The following OXR1 variants were observed in gnomAD, a reference collection of about 807,000 sequenced individuals.
The protein encoded by OXR1 is oxidation resistance 1.
Under a neutral mutation model 104.6 loss-of-function variants are expected in OXR1, and 41 were observed. The observed-to-expected ratio is 0.39, with a 90% CI of 0.31 to 0.51. OXR1 has a LOEUF of 0.51. Ranked by LOEUF, OXR1 falls within the 20% of genes least tolerant of loss-of-function variation. The pLI is 0.77. For synonymous variants in OXR1, 348 were observed against 348.4 expected (o/e 1.00, Z 0.01); for missense variants, 955 against 1,031.9 (o/e 0.93, Z 1.02).
intron 1 of OXR1, among the ~76,000 whole-genome samples, chr8:106,307,529 C>T (rs1420641495): frequency 1.3e-5 from 2 of 152,022 alleles, no homozygotes; most frequent in East Asian, 1.9e-4. Flanking sequence ...CTCTTCGGTT[C>T]CCATACTCAC....
In OXR1 at chr8:106,530,240, T is replaced by G. The variant is rs74464288; in HGVS notation, c.220+11101T>G. Among the ~76,000 whole-genome samples, 1,282 of 152,314 alleles carry G rather than the reference T, an allele frequency of 8.4e-3. 20 individuals carry two copies. Among genetic ancestry groups the G allele is most frequent in the African/African-American group, 0.029 (1,212 of 41,566 alleles). ...CAGAAATGAAACTATTGGTATCTCC[T>G]GATTTTTTTTAATTTGCTTTTCTTC... On this transcript the variant is annotated intron_variant, in intron 3 of 16. Transcript: ENST00000517566.
At chr8:106,336,258 G>T (rs1033457814) in intron 1 of OXR1, among the ~76,000 whole-genome samples, 1 of 152,172 alleles carries the variant, frequency 6.6e-6, no homozygotes, top group Admixed American at 6.5e-5. Flanking sequence ...TGCAGAACAG[G>T]AGTAGCCATT....
intron 3 of OXR1, among the ~76,000 whole-genome samples, chr8:106,552,906 G>A (rs1815960104): frequency 1.3e-5 from 2 of 152,144 alleles, no homozygotes; most frequent in Non-Finnish European, 2.9e-5. Context: ...CATAGTGGTC[G>A]ATGATTTCAA....
chr8:106,310,993 T>C (rs1813676793), intron 1 of OXR1, among the ~76,000 whole-genome samples: 3 of 152,298 alleles, frequency 2.0e-5, no homozygotes, highest in Admixed American at 6.5e-5. Flanking sequence ...TTCTGGAATA[T>C]TGTCTGATGA....
chr8:106,618,699 A>C (rs1025491371), intron 3 of OXR1, among the ~76,000 whole-genome samples: 1 of 152,148 alleles, frequency 6.6e-6, no homozygotes, highest in Non-Finnish European at 1.5e-5. Context: ...ACATGCTCTC[A>C]CTTTTGTCAC....
At chr8:106,658,846 C>T (rs527954109) in intron 3 of OXR1, among the ~76,000 whole-genome samples, 1 of 152,214 alleles carries the variant, frequency 6.6e-6, no homozygotes, top group South Asian at 2.1e-4. Flanking sequence ...TTAAAACAGT[C>T]ATTTGTAGCG....
intron 1 of OXR1, among the ~76,000 whole-genome samples, chr8:106,321,387 G>A (rs1463995797): frequency 5.3e-5 from 8 of 152,144 alleles, no homozygotes. Flanking sequence ...TTGGACAGTG[G>A]ACGTGTGACT....
intron 2 of OXR1, among the ~76,000 whole-genome samples, chr8:106,433,841 C>T (rs1042917262): frequency 2.0e-5 from 3 of 152,170 alleles, no homozygotes; most frequent in Non-Finnish European, 2.9e-5. Context: ...CTAAGCAATG[C>T]TGAAAGGAAC....
intron 3 of OXR1, among the ~76,000 whole-genome samples, chr8:106,652,857 A>G (rs1824715984): frequency 6.6e-6 from 1 of 151,822 alleles, no homozygotes; most frequent in Non-Finnish European, 1.5e-5. Flanking sequence ...TGCAAGGAGC[A>G]ACAAAATTGA....
intron 3 of OXR1, among the ~76,000 whole-genome samples, chr8:106,677,545 AATG>A (rs1827727319): frequency 6.6e-6 from 1 of 152,160 alleles, no homozygotes; most frequent in Non-Finnish European, 1.5e-5. Context: ...ATAGGTGTGA[AATG>A]ATATTTCAGT....
intron 3 of OXR1, among the ~76,000 whole-genome samples, chr8:106,625,375 G>T (rs1208960149): frequency 6.6e-6 from 1 of 152,138 alleles, no homozygotes; most frequent in African/African-American, 2.4e-5. Context: ...CTGCCTTTTA[G>T]CTTGGATAGA....
At chr8:106,356,399 G>C (rs77446193) in intron 1 of OXR1, among the ~76,000 whole-genome samples, 7,159 of 152,162 alleles carry the variant, frequency 0.047, 548 homozygotes, top group African/African-American at 0.16. Flanking sequence ...GTCAAACTGA[G>C]GGAAACATTA....
intron 3 of OXR1, among the ~76,000 whole-genome samples, chr8:106,531,840 A>G (rs1334492378): frequency 6.6e-6 from 1 of 152,206 alleles, no homozygotes; most frequent in Non-Finnish European, 1.5e-5. Context: ...CTTTTGTGAT[A>G]TGAAAAACAC....
intron 1 of OXR1, among the ~76,000 whole-genome samples, chr8:106,283,361 A>G (rs541535324): frequency 6.6e-6 from 1 of 152,282 alleles, no homozygotes; most frequent in South Asian, 2.1e-4. Flanking sequence ...CCCTAGATGG[A>G]GAGAGGCAGC....
At chr8:106,560,765 C>A (rs201348813) in intron 3 of OXR1, among the ~76,000 whole-genome samples, 7 of 152,080 alleles carry the variant, frequency 4.6e-5, no homozygotes, top group Non-Finnish European at 1.0e-4. Context: ...CCCAGCAAGA[C>A]CAATGCAGAA....
At chr8:106,601,251 G>A (rs562251733) in intron 3 of OXR1, among the ~76,000 whole-genome samples, 4 of 152,344 alleles carry the variant, frequency 2.6e-5, no homozygotes, top group African/African-American at 4.8e-5. Context: ...CAAGTCTGGT[G>A]TAGGATGGGA....
At position 106,618,597 on chromosome 8, in the gene OXR1, G is replaced by C. The variant is rs1195487360; in HGVS notation, c.221-60613G>C. Among the ~76,000 whole-genome samples the C allele has an allele frequency of 2.0e-5, 3 of 152,072 alleles. No individual in the cohort carries two copies. The East Asian group carries it at 5.8e-4, about 29-fold the overall frequency. On this transcript the variant is annotated intron_variant, in intron 3 of 16. Coordinates refer to ENST00000517566, the MANE Select transcript of OXR1 (RefSeq NM_001198533.2). ...GCGATTTATTTTTTATTCATTCATA[G>C]GACAACATTTGTCAGTAAGATTTCC...
rs1048741242 is a variant in OXR1 at position 106,351,744 on chromosome 8, A to G, written c.-138-7732A>G. ...TTACAGAGTGTTGGGGAAGACATCTATTACCACCAGCATCTCCTTGTTCTT... is the reference window on the plus strand; with the variant it reads ...TTACAGAGTGTTGGGGAAGACATCTGTTACCACCAGCATCTCCTTGTTCTT... On this transcript the variant is annotated intron_variant, in intron 1 of 16. Coordinates refer to ENST00000517566, the MANE Select transcript of OXR1 (RefSeq NM_001198533.2). Among the ~76,000 whole-genome samples the G allele has an allele frequency of 4.6e-5, 7 of 152,154 alleles. No homozygotes were observed. The South Asian group carries it at 1.2e-3, about 27-fold the overall frequency.
intron 11 of OXR1, among the ~76,000 whole-genome samples, chr8:106,735,940 C>T (rs373183402): frequency 1.3e-5 from 2 of 152,106 alleles, no homozygotes; most frequent in East Asian, 3.9e-4. Flanking sequence ...TAAGGAGGCT[C>T]TTTGGCCATT....
Sources: gnomAD v4.1 joint callset for allele counts (sites outside exome capture counted in the v4.1 genomes callset) on GRCh38, gnomAD v4.1.1 for gene constraint, MANE v1.5 for transcripts, NCBI Gene and HGNC (gene_info 2026-07-23, HGNC 2026-07-21) for gene names.